DLX5: variants seen among roughly 807,000 people sequenced by gnomAD.
DLX5 encodes the protein homeobox protein DLX-5.
In DLX5, 8 loss-of-function variants were observed where a neutral mutation model predicts 27.1. That is an observed-to-expected ratio of 0.30 (90% confidence interval 0.17 to 0.53). DLX5 has a LOEUF of 0.53. Among genes scored for constraint, DLX5 ranks in the 20% least tolerant of loss-of-function variants. The pLI, the probability that DLX5 is intolerant of heterozygous loss-of-function variation, is 0.95. For missense variants in DLX5, 339 were observed against 375.1 expected (o/e 0.90, Z 0.80); for synonymous variants, 178 against 161.9 (o/e 1.10, Z -0.75).
rs1356163704 is a variant in DLX5 at position 97,022,260 on chromosome 7, C to T, written c.465G>A (p.Arg155=). Residue 155 remains arginine, a synonymous_variant, in exon 2 of 3, where the codon AGG becomes AGA. Coordinates refer to ENST00000648378, the MANE Select transcript of DLX5 (RefSeq NM_005221.6). The part of the protein sequence containing the change: ...SSFQLAALQR[R]FQKTQYLALP... ...AGGCGAGGTACTGAGTCTTCTGAAA[C>T]CTTCTCTGTAATGCGGCCAGCTGAA... is the stretch of plus-strand genomic sequence containing the variant. 5.6e-6 allele frequency: 9 copies of T among 1,614,140 alleles called. No individual in the cohort carries two copies. The highest frequency in any genetic ancestry group is 7.6e-6 in the Non-Finnish European group (9 of 1,180,054).
At chr7:97,022,747 C>T (rs1285607466) in intron 1 of DLX5, 1 of 262,234 alleles carries the variant, frequency 3.8e-6, no homozygotes, top group Non-Finnish European at 5.9e-6. Flanking sequence ...CCAGCCCCTC[C>T]CCAGGCTTCA....
chr7:97,020,998 G>A lies in DLX5; in HGVS notation c.608C>T (p.Pro203Leu), dbSNP rs145966633. ...GTCGCTGGAGCTGGGACTGTGCTCC[G>A]GGGGCATCTCCCCGTTTTTCATGAT... ...KKIMKNGEMP[P>L]EHSPSSSDPM... Residue 203 changes from proline (P) to leucine (L), a missense_variant, in exon 3 of 3, where the codon CCG (proline) becomes CTG (leucine). Physicochemically the swap from Pro to Leu is moderately conservative, Grantham distance 98. Transcript: ENST00000648378. 3.1e-6 allele frequency: 5 copies of A among 1,613,622 alleles called. No individual in the cohort carries two copies. The highest frequency in any genetic ancestry group is 4.5e-5 in the East Asian group (2 of 44,876).
At chr7:97,021,857 T>G (rs954711320) in intron 2 of DLX5, 1 of 572,376 alleles carries the variant, frequency 1.7e-6, no homozygotes, top group South Asian at 2.3e-5. Context: ...GAAAACCAGA[T>G]AGCTGCTCTG....
chr7:97,023,263 A>G (rs1279793982), intron 1 of DLX5, among the ~76,000 whole-genome samples: 1 of 151,846 alleles, frequency 6.6e-6, no homozygotes, highest in Non-Finnish European at 1.5e-5. Flanking sequence ...CGTGTTGTAC[A>G]AACCTGCCCT....
At chr7:97,022,095 A>C in intron 2 of DLX5, 90 bp downstream of exon 2, 2 of 1,511,728 alleles carry the variant, frequency 1.3e-6, no homozygotes, top group South Asian at 2.2e-5. Context: ...GGTACTGTCA[A>C]AACAGCTCCA....
At chr7:97,021,270 G>A (rs1382444992) in intron 2 of DLX5, among the ~76,000 whole-genome samples, 1 of 152,160 alleles carries the variant, frequency 6.6e-6, no homozygotes, top group East Asian at 1.9e-4. Flanking sequence ...TGGCCGGCTC[G>A]GGGCGCCCCG....
In DLX5 at chr7:97,024,120, T is replaced by C. The variant is rs1790133656; in HGVS notation, c.355+149A>G. On this transcript the variant is annotated intron_variant, in intron 1 of 2. Coordinates refer to ENST00000648378, the MANE Select transcript of DLX5 (RefSeq NM_005221.6). This position sits in a 1 kb window ranked among gnomAD's most constrained non-coding sequence, Gnocchi z 4.6. The stretch of plus-strand genomic sequence containing the variant: ...CCTAAAATGCTGGCCCGAGAAACTC[T>C]CTTTGTTGGAGGGTCTGAGTCCTAC... 5.6e-6 allele frequency: 4 copies of C among 716,604 alleles called. No individual in the cohort carries two copies. The highest frequency in any genetic ancestry group is 5.9e-5 in the Admixed American group (2 of 33,748). 44.4% of individuals were successfully genotyped at this position (716,604 alleles called of 1,614,324 possible).
chr7:97,021,722 C>G (rs569516533), intron 2 of DLX5, among the ~76,000 whole-genome samples: 70 of 152,308 alleles, frequency 4.6e-4, no homozygotes, highest in Non-Finnish European at 1.2e-4. Flanking sequence ...CTGAAGCTCC[C>G]GTAGGCTCAG....
At position 97,021,000 on chromosome 7, in the gene DLX5, G is replaced by C. The variant is rs1297022233; in HGVS notation, c.606C>G (p.Pro202=). ...CGCTGGAGCTGGGACTGTGCTCCGG[G>C]GGCATCTCCCCGTTTTTCATGATCT... ...IKKIMKNGEM[P]PEHSPSSSDP... The change falls in exon 3 of 3, where the codon CCC becomes CCG. Residue 202 remains proline, a synonymous_variant. Coordinates refer to ENST00000648378, the MANE Select transcript of DLX5 (RefSeq NM_005221.6). 9.3e-6 allele frequency: 15 copies of C among 1,613,546 alleles called. No homozygotes were observed. The highest frequency in any genetic ancestry group is 1.7e-5 in the Admixed American group (1 of 60,010).
At position 97,024,194 on chromosome 7, in the gene DLX5, A is replaced by G. The variant is rs1460565972; in HGVS notation, c.355+75T>C. The G allele has an allele frequency of 5.6e-6, 8 of 1,428,068 alleles. No individual in the cohort carries two copies. Among genetic ancestry groups the G allele is most frequent in the Non-Finnish European group, 7.6e-6 (8 of 1,057,842 alleles). 88.5% of individuals were successfully genotyped at this position (1,428,068 alleles called of 1,614,324 possible). A position where few individuals can be genotyped will look rare whatever the true frequency, so the allele number is the denominator to read the frequency against. On this transcript the variant is annotated intron_variant, in intron 1 of 2. Transcript: ENST00000648378. This position sits in a 1 kb window ranked among gnomAD's most constrained non-coding sequence, Gnocchi z 4.6. ...ACTGCCGTGAACCGCTGTGACCCCCAATCTACCACCCCATCTCGCGCCCCC... is the reference window on the plus strand; with the variant it reads ...ACTGCCGTGAACCGCTGTGACCCCCGATCTACCACCCCATCTCGCGCCCCC...
rs924964248 is a variant in DLX5, at chr7:97,024,433, G to A, written c.191C>T (p.Ala64Val). Residue 64 changes from alanine (A) to valine (V), a missense_variant, in exon 1 of 3, where the codon GCT (alanine) becomes GTT (valine). Ala to Val is a moderately conservative substitution (Grantham distance 64, BLOSUM62 0). Transcript: ENST00000648378. This position sits in a 1 kb window ranked among gnomAD's most constrained non-coding sequence, Gnocchi z 4.6. ...APHGYCSPTS[A>V]SYGKALNPYQ... ...GGGGTTGAGAGCTTTGCCATAGGAAGCCGAGGTAGGAGAGCAGTAGCCGTG... is the reference window on the plus strand; with the variant it reads ...GGGGTTGAGAGCTTTGCCATAGGAAACCGAGGTAGGAGAGCAGTAGCCGTG... 1 of 1,614,278 alleles carries A rather than the reference G, an allele frequency of 6.2e-7. No homozygotes were observed. Among genetic ancestry groups the A allele is most frequent in the Admixed American group, 1.7e-5 (1 of 60,038 alleles).
chr7:97,020,559 C>G lies in DLX5; in HGVS notation c.*177G>C. The G allele has an allele frequency of 1.6e-6, 1 of 611,546 alleles. No homozygotes were observed. The highest frequency in any genetic ancestry group is 2.6e-6 in the Non-Finnish European group (1 of 390,132). The allele number at this position is 611,546 out of a possible 1,614,324, so 37.9% of individuals were successfully genotyped here. ...GTGTCCACAGTTGCGCAAAAAAAGT[C>G]CTCTGTAAAAAAAGGGGGGGTCTTT... On this transcript the variant is annotated 3_prime_UTR_variant, in exon 3 of 3. Transcript: ENST00000648378.
At chr7:97,021,422 A>G (rs905656806) in intron 2 of DLX5, among the ~76,000 whole-genome samples, 1 of 152,190 alleles carries the variant, frequency 6.6e-6, no homozygotes, top group Non-Finnish European at 1.5e-5. Context: ...AACGCGGCGA[A>G]GGTCTCCAAA....
Position 97,022,497 on chromosome 7 carries a change from C to A in DLX5, c.356-128G>T, listed in dbSNP as rs1790091362. ...CATTCTTTGCCCATATCACCACCAC[C>A]TTTGCTTTTCAGGACCGCGATAAAT... On this transcript the variant is annotated intron_variant, in intron 1 of 2. Transcript: ENST00000648378. 6.0e-6 allele frequency: 9 copies of A among 1,501,260 alleles called. No individual in the cohort carries two copies. The South Asian group carries it at 1.2e-4, about 20-fold the overall frequency. 93.0% of individuals were successfully genotyped at this position (1,501,260 alleles called of 1,614,324 possible). A position where few individuals can be genotyped will look rare whatever the true frequency, so the allele number is the denominator to read the frequency against.
intron 2 of DLX5, 156 bp downstream of exon 2, chr7:97,022,029 G>A: frequency 1.2e-6 from 1 of 843,936 alleles, no homozygotes; most frequent in Non-Finnish European, 1.9e-6. Context: ...CTCAAGGCCT[G>A]ACTCACCGAG....
chr7:97,022,501 G>A lies in DLX5; in HGVS notation c.356-132C>T. ...CTTTGCCCATATCACCACCACCTTT[G>A]CTTTTCAGGACCGCGATAAATATGC... On this transcript the variant is annotated intron_variant, in intron 1 of 2. Transcript: ENST00000648378. The A allele has an allele frequency of 4.0e-6, 6 of 1,496,060 alleles. No homozygotes were observed. In the South Asian group the frequency reaches 8.2e-5, roughly 20 times the overall value. 92.7% of individuals were successfully genotyped at this position (1,496,060 alleles called of 1,614,324 possible).
chr7:97,023,026 A>G (rs1429043501), intron 1 of DLX5, among the ~76,000 whole-genome samples: 1 of 30,280 alleles, frequency 3.3e-5, no homozygotes, highest in African/African-American at 1.9e-4. Context: ...TTCTTGGCAA[A>G]AAAAAAAAAA....
chr7:97,020,554 A>G lies in DLX5; in HGVS notation c.*182T>C, dbSNP rs1433825649. On this transcript the variant is annotated 3_prime_UTR_variant, in exon 3 of 3. Transcript: ENST00000648378. Reference sequence around the variant, plus strand: ...TGAAAGTGTCCACAGTTGCGCAAAAAAAGTCCTCTGTAAAAAAAGGGGGGG... The same window carrying G: ...TGAAAGTGTCCACAGTTGCGCAAAAGAAGTCCTCTGTAAAAAAAGGGGGGG... 1.7e-6 allele frequency: 1 copy of G among 596,114 alleles called. No individual in the cohort carries two copies. The highest frequency in any genetic ancestry group is 1.9e-5 in the African/African-American group (1 of 53,970). The allele number at this position is 596,114 out of a possible 1,614,324, so 36.9% of individuals were successfully genotyped here.
Position 97,020,742 on chromosome 7 carries a change from G to A in DLX5, c.864C>T (p.Leu288=), listed in dbSNP as rs779237377. ...QHPLALASGT[L]Y ...GTAAGAGAGAGCAGCCCATCTAATAGAGTGTCCCGGAGGCCAGCGCCAGCG... is the reference window on the plus strand; with the variant it reads ...GTAAGAGAGAGCAGCCCATCTAATAAAGTGTCCCGGAGGCCAGCGCCAGCG... The change falls in exon 3 of 3, where the codon CTC becomes CTT. Residue 288 remains leucine, a synonymous_variant. Transcript: ENST00000648378. 19 of 1,585,584 alleles carry A rather than the reference G, an allele frequency of 1.2e-5. No homozygotes were observed. The highest frequency in any genetic ancestry group is 1.6e-5 in the Non-Finnish European group (19 of 1,162,980).
Sources: gnomAD v4.1 joint callset for allele counts (sites outside exome capture counted in the v4.1 genomes callset) on GRCh38, gnomAD v4.1.1 for gene constraint, Gnocchi (gnomAD v3.1) non-coding constraint, MANE v1.5 for transcripts, NCBI Gene and HGNC (gene_info 2026-07-23, HGNC 2026-07-21) for gene names.